The following ARPP21 variants were observed in gnomAD, a reference collection of about 807,000 sequenced individuals.
ARPP21 encodes cAMP regulated phosphoprotein 21.
A neutral mutation model predicts 113.2 loss-of-function variants in ARPP21; 69 were observed. That is an observed-to-expected ratio of 0.61 (90% CI 0.50 to 0.74). ARPP21 has a LOEUF of 0.74. Ranked by LOEUF, ARPP21 falls within the 30% of genes least tolerant of loss-of-function variation. The probability of loss-of-function intolerance (pLI) is 0.00; values close to 1 mark genes in which losing one functional copy is unlikely to be tolerated. For missense variants in ARPP21, 1,070 were observed against 1,037.4 expected, an observed-to-expected ratio of 1.03 and a Z score of -0.43; for synonymous variants, 368 against 375.5, an observed-to-expected ratio of 0.98 and a Z score of 0.23.
intron 1 of ARPP21, among the ~76,000 whole-genome samples, chr3:35,675,459 T>A (rs189038452): frequency 2.0e-5 from 3 of 152,010 alleles, no homozygotes; most frequent in Admixed American, 2.0e-4. Flanking sequence ...AGCAGAAATA[T>A]GCACAAACTG....
At chr3:35,783,284 G>T (rs897966650) in intron 19 of ARPP21, among the ~76,000 whole-genome samples, 1 of 152,008 alleles carries the variant, frequency 6.6e-6, no homozygotes, top group Non-Finnish European at 1.5e-5. Context: ...CAGGCTGTTT[G>T]TCTGAGCCCC....
intron 15 of ARPP21, among the ~76,000 whole-genome samples, chr3:35,734,413 G>A (rs1242270416): frequency 6.6e-6 from 1 of 152,078 alleles, no homozygotes; most frequent in Non-Finnish European, 1.5e-5. Context: ...ACAATAAAAT[G>A]CATCTACGTG....
In ARPP21 at chr3:35,721,590, G is replaced by T; in HGVS notation, c.996-15G>T. ...AATCCTGTCCCTGTGCATCTTTCTG[G>T]TGGTCGTACTCCAGGGGCAACAGAG... On this transcript the variant is annotated splice_polypyrimidine_tract_variant and intron_variant, in intron 13 of 20. Coordinates refer to ENST00000684406, the MANE Select transcript of ARPP21 (RefSeq NM_001385562.1). The T allele has an allele frequency of 6.9e-7, 1 of 1,456,770 alleles. No homozygotes were observed. The allele number at this position is 1,456,770 out of a possible 1,614,324, so 90.2% of individuals were successfully genotyped here.
chr3:35,708,242 G>C (rs964974484), intron 10 of ARPP21, among the ~76,000 whole-genome samples: 10 of 152,188 alleles, frequency 6.6e-5, no homozygotes, highest in South Asian at 6.2e-4. Flanking sequence ...GGAAAGAATA[G>C]ATGGAAGGAG....
chr3:35,720,930 A>G (rs1284478408), intron 13 of ARPP21, among the ~76,000 whole-genome samples: 1 of 152,158 alleles, frequency 6.6e-6, no homozygotes, highest in African/African-American at 2.4e-5. Flanking sequence ...TAGTGTTTAC[A>G]CTGTTGTTAT....
At chr3:35,760,441 G>A (rs1184075478) in intron 19 of ARPP21, among the ~76,000 whole-genome samples, 1 of 151,960 alleles carries the variant, frequency 6.6e-6, no homozygotes, top group Non-Finnish European at 1.5e-5. Flanking sequence ...GTTGAGTTTG[G>A]GGGATGCGAG....
chr3:35,688,589 C>T (rs960243472), intron 6 of ARPP21, among the ~76,000 whole-genome samples: 1 of 151,500 alleles, frequency 6.6e-6, no homozygotes, highest in African/African-American at 2.4e-5. Flanking sequence ...CTTAAACAAA[C>T]AAACAAACAA....
rs118160462 is a variant in ARPP21, at chr3:35,687,970, C to T, written c.406+87C>T. 9.4e-5 allele frequency: 117 copies of T among 1,242,676 alleles called. No individual in the cohort carries two copies. In the East Asian group the frequency reaches 2.6e-3, roughly 28 times the overall value. 77.0% of individuals were successfully genotyped at this position (1,242,676 alleles called of 1,614,324 possible). A position where few individuals can be genotyped will look rare whatever the true frequency, so the allele number is the denominator to read the frequency against. On this transcript the variant is annotated intron_variant, in intron 6 of 20. Transcript: ENST00000684406. The stretch of plus-strand genomic sequence containing the variant: ...ATTCTAGATTTCACATGCATATTCA[C>T]CTCCCACCAAACCCTGCATATGATT...
At position 35,739,471 on chromosome 3, in the gene ARPP21, A is replaced by G. The variant is rs1406385071; in HGVS notation, c.1904A>G (p.Gln635Arg). 6 of 1,614,110 alleles carry G rather than the reference A, an allele frequency of 3.7e-6. No individual in the cohort carries two copies. Among genetic ancestry groups the G allele is most frequent in the Non-Finnish European group, 5.1e-6 (6 of 1,180,026 alleles). ...TATGTAATCGCCTCTACAGGCCAGC[A>G]GCTTCCTACAGGAGGATTCTCAGGC... ...PSYVIASTGQ[Q>R]LPTGGFSGSG... Residue 635 changes from glutamine (Q) to arginine (R), a missense_variant, in exon 18 of 21, where the codon CAG becomes CGG. Coordinates refer to ENST00000684406, the MANE Select transcript of ARPP21 (RefSeq NM_001385562.1).
chr3:35,677,591 TTA>T (rs907038307), intron 1 of ARPP21, among the ~76,000 whole-genome samples: 15 of 151,106 alleles, frequency 9.9e-5, no homozygotes, highest in African/African-American at 3.6e-4. Context: ...ACCCATAAAA[TTA>T]TGTTTAAAAT....
At position 35,689,124 on chromosome 3, in the gene ARPP21, G is replaced by A. The variant is rs189824207; in HGVS notation, c.407-183G>A. On this transcript the variant is annotated intron_variant, in intron 6 of 20. Transcript: ENST00000684406. ...GGATTTATTGGGTGTTTTCAATCCC[G>A]GAATCTAATTTTCATTCTGATGTTA... 2.2e-3 allele frequency among the ~76,000 whole-genome samples: 328 copies of A among 151,552 alleles called. 5 individuals carry two copies. The highest frequency in any genetic ancestry group is 5.5e-4 in the Non-Finnish European group (37 of 67,684).
intron 19 of ARPP21, 147 bp from the exon 20 acceptor site, chr3:35,792,235 T>G: frequency 4.4e-6 from 3 of 687,844 alleles, no homozygotes; most frequent in Non-Finnish European, 7.5e-6. Flanking sequence ...AGAAAATGCA[T>G]TCTTAGGGAA....
At chr3:35,740,435 A>T (rs1289490065) in intron 18 of ARPP21, among the ~76,000 whole-genome samples, 2 of 152,226 alleles carry the variant, frequency 1.3e-5, no homozygotes, top group African/African-American at 4.8e-5. Flanking sequence ...TCACTGCCTT[A>T]ACATCTTGAA....
At chr3:35,690,502 G>A (rs1012525092) in intron 8 of ARPP21, among the ~76,000 whole-genome samples, 5 of 151,464 alleles carry the variant, frequency 3.3e-5, no homozygotes, top group African/African-American at 7.3e-5. Flanking sequence ...AGTATAAACC[G>A]TGTAATGACA....
chr3:35,653,276 A>T (rs1055704242), intron 1 of ARPP21, among the ~76,000 whole-genome samples: 1 of 70,494 alleles, frequency 1.4e-5, no homozygotes, highest in African/African-American at 6.9e-5. Context: ...GAAGAATGAA[A>T]GAAGTTATTT....
intron 20 of ARPP21, among the ~76,000 whole-genome samples, chr3:35,793,176 C>T (rs1307659585): frequency 6.6e-6 from 1 of 152,188 alleles, no homozygotes; most frequent in Non-Finnish European, 1.5e-5. Flanking sequence ...TTCTGATTCA[C>T]ATTGCATCAA....
chr3:35,787,796 A>G lies in ARPP21; in HGVS notation c.2138-4586A>G, dbSNP rs188322672. Among the ~76,000 whole-genome samples, 248 of 152,328 alleles carry G rather than the reference A, an allele frequency of 1.6e-3. 1 individual carries two copies. Among genetic ancestry groups the G allele is most frequent in the Non-Finnish European group, 2.7e-3 (184 of 68,020 alleles). On this transcript the variant is annotated intron_variant, in intron 19 of 20. Coordinates refer to ENST00000684406, the MANE Select transcript of ARPP21 (RefSeq NM_001385562.1). ...ACATAAAAGGGATGATGTGAGGGCTATGAGAACTAGAAGAATGTATAAATA... is the reference window on the plus strand; with the variant it reads ...ACATAAAAGGGATGATGTGAGGGCTGTGAGAACTAGAAGAATGTATAAATA...
intron 19 of ARPP21, among the ~76,000 whole-genome samples, chr3:35,771,320 G>A (rs941774262): frequency 1.7e-4 from 26 of 152,010 alleles, no homozygotes; most frequent in African/African-American, 5.8e-4. Flanking sequence ...CATAACATCA[G>A]AAGGTAATGA....
Position 35,729,526 on chromosome 3 carries a change from T to G in ARPP21, c.1449T>G (p.Asn483Lys). 6.2e-7 allele frequency: 1 copy of G among 1,613,972 alleles called. No homozygotes were observed. Among genetic ancestry groups the G allele is most frequent in the Non-Finnish European group, 8.5e-7 (1 of 1,179,814 alleles). Residue 483 changes from asparagine (N) to lysine (K), a missense_variant, in exon 15 of 21, where the codon AAT (asparagine) becomes AAG (lysine). Coordinates refer to ENST00000684406, the MANE Select transcript of ARPP21 (RefSeq NM_001385562.1). ...TCCCGCCTGGAAGCATCCTTCTTAA[T>G]CCACACACAGGTGAGTTACTACCTG... The part of the protein sequence containing the change: ...TGIPPGSILL[N>K]PHTGQPFVNP...
Sources: gnomAD v4.1 joint callset for allele counts (sites outside exome capture counted in the v4.1 genomes callset) on GRCh38, gnomAD v4.1.1 for gene constraint, MANE v1.5 for transcripts, NCBI Gene and HGNC (gene_info 2026-07-23, HGNC 2026-07-21) for gene names.